The following ARHGAP8 variants were observed in gnomAD, a reference collection of about 807,000 sequenced individuals.
ARHGAP8 encodes the protein Rho GTPase activating protein 8, also known as rho GTPase-activating protein 8.
A neutral mutation model predicts 46.1 loss-of-function variants in ARHGAP8; 62 were observed. The observed-to-expected ratio is 1.34, with a 90% CI of 1.10 to 1.66. The LOEUF (loss-of-function observed/expected upper bound fraction) is 1.66. Ranked by LOEUF, ARHGAP8 falls within the 40% of genes most tolerant of loss-of-function variation. The pLI is 0.00. For synonymous variants in ARHGAP8, 375 were observed against 243.1 expected (o/e 1.54, Z -5.05); for missense variants, 923 against 568.4 (o/e 1.62, Z -6.34).
chr22:44,808,351 C>G lies in ARHGAP8; in HGVS notation c.212C>G (p.Thr71Ser). ...TLDQYVENDYTIVYFHYGLNS... is the reference protein window; with the variant it reads ...TLDQYVENDYSIVYFHYGLNS... ...GACCAATACGTTGAGAACGATTATACCATCGTCTATTTCCACTACGGGCTG... is the reference window on the plus strand; with the variant it reads ...GACCAATACGTTGAGAACGATTATAGCATCGTCTATTTCCACTACGGGCTG... The change falls in exon 4 of 12, where the codon ACC becomes AGC. Residue 71 changes from threonine (T) to serine (S), a missense_variant. Thr to Ser is a moderately conservative substitution (Grantham distance 58). Transcript: ENST00000356099. 5.0e-6 allele frequency: 8 copies of G among 1,614,244 alleles called. No individual in the cohort carries two copies. Among genetic ancestry groups the G allele is most frequent in the Non-Finnish European group, 6.8e-6 (8 of 1,180,042 alleles).
intron 11 of ARHGAP8, among the ~76,000 whole-genome samples, chr22:44,860,959 T>C (rs186459904): frequency 6.6e-6 from 1 of 151,696 alleles, no homozygotes; most frequent in African/African-American, 2.4e-5. Flanking sequence ...TTTCTCCCTG[T>C]TGCTTGACAT....
At chr22:44,798,721 C>T (rs998487600) in intron 2 of ARHGAP8, among the ~76,000 whole-genome samples, 16 of 152,138 alleles carry the variant, frequency 1.1e-4, no homozygotes, top group East Asian at 1.9e-4. Flanking sequence ...CAGCCCCCAC[C>T]GTGCGTGACT....
At chr22:44,806,076 T>G (rs1928900647) in intron 3 of ARHGAP8, among the ~76,000 whole-genome samples, 1 of 152,244 alleles carries the variant, frequency 6.6e-6, no homozygotes, top group Non-Finnish European at 1.5e-5. Flanking sequence ...TGCAAAGACA[T>G]TGGCCTCAGT....
intron 1 of ARHGAP8, among the ~76,000 whole-genome samples, chr22:44,770,035 G>T (rs527849952): frequency 5.3e-5 from 8 of 152,256 alleles, no homozygotes; most frequent in African/African-American, 1.9e-4. Flanking sequence ...CACGAGGTCA[G>T]GAGTTTGAGA....
intron 1 of ARHGAP8, among the ~76,000 whole-genome samples, chr22:44,774,624 G>A (rs1926284154): frequency 6.7e-6 from 1 of 149,606 alleles, no homozygotes; most frequent in Admixed American, 6.8e-5. Flanking sequence ...CCGGGTTCAA[G>A]TGATTCTCCT....
intron 11 of ARHGAP8, among the ~76,000 whole-genome samples, chr22:44,861,987 C>A (rs114226173): frequency 6.6e-6 from 1 of 152,160 alleles, no homozygotes; most frequent in Non-Finnish European, 1.5e-5. Context: ...GATTGCATCT[C>A]CCCAGAAGGT....
At chr22:44,816,232 T>C (rs916972302) in intron 5 of ARHGAP8, among the ~76,000 whole-genome samples, 1 of 152,136 alleles carries the variant, frequency 6.6e-6, no homozygotes. Flanking sequence ...TGAGTGGGTG[T>C]GACGCTCCGT....
At position 44,820,211 on chromosome 22, in the gene ARHGAP8, T is replaced by G. The variant is rs947363641; in HGVS notation, c.387-2160T>G. 3.9e-5 allele frequency among the ~76,000 whole-genome samples: 6 copies of G among 152,282 alleles called. No individual in the cohort carries two copies. The East Asian group carries it at 1.2e-3, about 30-fold the overall frequency. ...TGGCTGAGCTGGCCTGTGGGCCCTT[T>G]CCCGAGAGGAGAGGCAAGTGGCAGG... is the stretch of plus-strand genomic sequence containing the variant. On this transcript the variant is annotated intron_variant, in intron 5 of 11. Coordinates refer to ENST00000356099, the MANE Select transcript of ARHGAP8 (RefSeq NM_181335.3).
intron 2 of ARHGAP8, among the ~76,000 whole-genome samples, chr22:44,788,655 A>G (rs1013826030): frequency 1.3e-5 from 2 of 152,130 alleles, no homozygotes; most frequent in African/African-American, 4.8e-5. Context: ...CTGCCTCCCA[A>G]AGTGCTGGAG....
At chr22:44,764,495 C>A (rs2146998122) in intron 1 of ARHGAP8, among the ~76,000 whole-genome samples, 1 of 152,256 alleles carries the variant, frequency 6.6e-6, no homozygotes, top group South Asian at 2.1e-4. Flanking sequence ...TCTTCCTGCT[C>A]ACGTTCCTTC....
chr22:44,830,876 C>CAAGTGTAGTTCATTA (rs1177070478), intron 7 of ARHGAP8, among the ~76,000 whole-genome samples: 1 of 152,150 alleles, frequency 6.6e-6, no homozygotes, highest in Non-Finnish European at 1.5e-5. Context: ...TAGTAGGTGT[C>CAAGTGTAGTTCATTA]AAGTGTAGTT....
intron 5 of ARHGAP8, 69 bp from the exon 6 acceptor site, chr22:44,822,302 C>T: frequency 1.4e-5 from 19 of 1,380,442 alleles, no homozygotes; most frequent in Non-Finnish European, 1.9e-5. Context: ...CTCCCCCTCC[C>T]TCCCTGCAAC....
At chr22:44,825,399 G>C in intron 6 of ARHGAP8, 84 bp from the exon 7 acceptor site, 1 of 1,457,228 alleles carries the variant, frequency 6.9e-7, no homozygotes, top group Non-Finnish European at 9.3e-7. Context: ...TGTCCTGCAG[G>C]TGGGGCATCC....
At chr22:44,827,339 T>TG (rs1441551306) in intron 7 of ARHGAP8, among the ~76,000 whole-genome samples, 2 of 98,918 alleles carry the variant, frequency 2.0e-5, no homozygotes, top group African/African-American at 9.5e-5. Context: ...GGTGGTGGTT[T>TG]TTTTTTTTTT....
intron 7 of ARHGAP8, among the ~76,000 whole-genome samples, chr22:44,839,775 G>A (rs774696331): frequency 1.3e-5 from 2 of 152,342 alleles, no homozygotes; most frequent in South Asian, 2.1e-4. Flanking sequence ...CGAGTCTTCC[G>A]TTACCTGTTA....
chr22:44,861,978 A>C (rs1421464435), intron 11 of ARHGAP8, among the ~76,000 whole-genome samples: 7 of 152,090 alleles, frequency 4.6e-5, no homozygotes, highest in Admixed American at 3.9e-4. Context: ...CATCCCCAAG[A>C]TTGCATCTCC....
chr22:44,786,107 G>A, intron 1 of ARHGAP8: 2 of 396,916 alleles, frequency 5.0e-6, no homozygotes, highest in South Asian at 2.8e-5. Flanking sequence ...CCGAGGTAGA[G>A]TACACAGTGG....
intron 7 of ARHGAP8, among the ~76,000 whole-genome samples, chr22:44,835,568 C>T (rs1424050465): frequency 6.6e-6 from 1 of 152,114 alleles, no homozygotes; most frequent in Non-Finnish European, 1.5e-5. Context: ...TTGCAGTGAG[C>T]CAAGATCGCG....
chr22:44,786,576 G>A lies in ARHGAP8; in HGVS notation c.49G>A (p.Val17Met), dbSNP rs200833725. ...ALSTSHPFYD[V>M]ARHGILQVAG... Reference sequence around the variant, plus strand: ...GAGCACGAGTCACCCGTTCTACGACGTGGCCAGACATGGCATTCTGCAGGT... The same window carrying A: ...GAGCACGAGTCACCCGTTCTACGACATGGCCAGACATGGCATTCTGCAGGT... Residue 17 changes from valine to methionine, a missense_variant, in exon 2 of 12, where the codon GTG becomes ATG. Coordinates refer to ENST00000356099, the MANE Select transcript of ARHGAP8 (RefSeq NM_181335.3). 315 of 1,613,302 alleles carry A rather than the reference G, an allele frequency of 2.0e-4. 2 individuals carry two copies. The highest frequency in any genetic ancestry group is 1.6e-4 in the Non-Finnish European group (192 of 1,179,768).
Sources: gnomAD v4.1 joint callset for allele counts (sites outside exome capture counted in the v4.1 genomes callset) on GRCh38, gnomAD v4.1.1 for gene constraint, MANE v1.5 for transcripts, NCBI Gene and HGNC (gene_info 2026-07-23, HGNC 2026-07-21) for gene names.